The following TCF12 variants were observed in gnomAD, a reference collection of about 807,000 sequenced individuals.
The protein encoded by TCF12 is transcription factor 12.
In TCF12, 45 loss-of-function variants were observed where a neutral mutation model predicts 86.0. The ratio of observed to expected loss-of-function variants is 0.52; its 90% CI spans 0.41 to 0.67. The LOEUF (loss-of-function observed/expected upper bound fraction) is 0.67, where lower values mean the gene tolerates loss of function less well. Ranked by LOEUF, TCF12 falls within the 30% of genes least tolerant of loss-of-function variation. TCF12 has a pLI of 0.00. For missense variants in TCF12, 881 were observed against 859.9 expected (o/e 1.02, Z -0.31); for synonymous variants, 330 against 299.6 (o/e 1.10, Z -1.05).
chr15:57,062,824 G>A (rs1477834207), intron 3 of TCF12, among the ~76,000 whole-genome samples: 1 of 151,926 alleles, frequency 6.6e-6, no homozygotes, highest in Non-Finnish European at 1.5e-5. Context: ...AAAGAAAGAA[G>A]TCAACTATTT....
At chr15:56,942,518 A>G (rs1396509353) in intron 3 of TCF12, among the ~76,000 whole-genome samples, 1 of 152,168 alleles carries the variant, frequency 6.6e-6, no homozygotes, top group Non-Finnish European at 1.5e-5. Flanking sequence ...TTTTTCAGCT[A>G]TTGTCTTGGT....
rs72751024 is a variant in TCF12 at position 57,046,007 on chromosome 15, C to A, written c.149-17743C>A. Among the ~76,000 whole-genome samples the A allele has an allele frequency of 6.9e-3, 1,044 of 152,342 alleles. 8 individuals are homozygous for A. Among genetic ancestry groups the A allele is most frequent in the Non-Finnish European group, 0.011 (721 of 68,018 alleles). ...GATGACTGCCTTCCACGATTTTCTTCACTGAAAAATTGCCAAATGAGTTCT... is the reference window on the plus strand; with the variant it reads ...GATGACTGCCTTCCACGATTTTCTTAACTGAAAAATTGCCAAATGAGTTCT... On this transcript the variant is annotated intron_variant, in intron 3 of 20. Coordinates refer to ENST00000333725, the MANE Select transcript of TCF12 (RefSeq NM_207037.2).
chr15:57,051,525 T>TG (rs1432906075), intron 3 of TCF12, among the ~76,000 whole-genome samples: 1 of 152,154 alleles, frequency 6.6e-6, no homozygotes, highest in Non-Finnish European at 1.5e-5. Flanking sequence ...GTTCTTGCTA[T>TG]GTTGCCCAGG....
At chr15:57,052,930 A>G (rs2067740670) in intron 3 of TCF12, among the ~76,000 whole-genome samples, 1 of 152,136 alleles carries the variant, frequency 6.6e-6, no homozygotes, top group Non-Finnish European at 1.5e-5. Flanking sequence ...GGGAATACAG[A>G]TATCTCTTTT....
chr15:56,935,229 A>G (rs984034021), intron 3 of TCF12, among the ~76,000 whole-genome samples: 1 of 152,088 alleles, frequency 6.6e-6, no homozygotes, highest in Non-Finnish European at 1.5e-5. Flanking sequence ...CTCTTTTTCC[A>G]ATCTGTCTTA....
intron 8 of TCF12, chr15:57,219,383 A>G (rs2058472894): frequency 6.0e-6 from 8 of 1,323,848 alleles, no homozygotes; most frequent in South Asian, 2.4e-5. Flanking sequence ...GTTCAGTCCT[A>G]TTTTGCATAA....
At chr15:57,163,161 G>A (rs1007084834) in intron 5 of TCF12, among the ~76,000 whole-genome samples, 2 of 151,746 alleles carry the variant, frequency 1.3e-5, no homozygotes, top group African/African-American at 4.8e-5. Flanking sequence ...GTGACAGAGT[G>A]AGACTCAGTC....
rs531670580 is a variant in TCF12, at chr15:57,281,460, C to A, written c.1979-985C>A. Among the ~76,000 whole-genome samples the A allele has an allele frequency of 5.3e-5, 8 of 152,354 alleles. No homozygotes were observed. In the South Asian group the frequency reaches 1.5e-3, roughly 28 times the overall value. On this transcript the variant is annotated intron_variant, in intron 19 of 20. Transcript: ENST00000333725. The stretch of plus-strand genomic sequence containing the variant: ...TTTCCTATAGAAGAGGGGTCCCCAA[C>A]CCCTGGGCCACGGACCAGTACCAGT...
rs1372325187 is a variant in TCF12 at position 57,247,662 on chromosome 15, C to A, written c.1115-3688C>A. On this transcript the variant is annotated intron_variant, in intron 13 of 20. Transcript: ENST00000333725. ...TCTGTTTCTTCTTTAATACCACCAA[C>A]AAAAATTTTCCTCACTGTTAGATGG... is the stretch of plus-strand genomic sequence containing the variant. 11 of 766,648 alleles carry A rather than the reference C, an allele frequency of 1.4e-5. No homozygotes were observed. In the African/African-American group the frequency reaches 1.7e-4, roughly 12 times the overall value. The allele number at this position is 766,648 out of a possible 1,614,324, so 47.5% of individuals were successfully genotyped here. A position where few individuals can be genotyped will look rare whatever the true frequency, so the allele number is the denominator to read the frequency against.
intron 3 of TCF12, among the ~76,000 whole-genome samples, chr15:56,954,066 T>C (rs1343000782): frequency 1.3e-5 from 2 of 152,132 alleles, no homozygotes; most frequent in Non-Finnish European, 2.9e-5. Flanking sequence ...AATTTTCTCC[T>C]AAGTTCAGCT....
At chr15:57,284,243 C>T (rs2061832593) in intron 20 of TCF12, among the ~76,000 whole-genome samples, 1 of 151,976 alleles carries the variant, frequency 6.6e-6, no homozygotes. Flanking sequence ...TTGACTCTGT[C>T]GCCTGAGCTG....
intron 8 of TCF12, among the ~76,000 whole-genome samples, chr15:57,207,039 T>A (rs1390854222): frequency 6.6e-6 from 1 of 151,892 alleles, no homozygotes; most frequent in Non-Finnish European, 1.5e-5. Flanking sequence ...CCTGGGAGTT[T>A]CAGGCTGTAG....
intron 3 of TCF12, among the ~76,000 whole-genome samples, chr15:56,974,691 A>G (rs78773227): frequency 0.04 from 6,143 of 152,180 alleles, 373 homozygotes; most frequent in Admixed American, 0.17. Context: ...TAGGAGGAAA[A>G]TAAGAAACAA....
chr15:56,946,941 G>C (rs1180597730), intron 3 of TCF12, among the ~76,000 whole-genome samples: 1 of 151,792 alleles, frequency 6.6e-6, no homozygotes, highest in Non-Finnish European at 1.5e-5. Context: ...AGGATTACAG[G>C]CGTATGCCAC....
At chr15:57,060,044 A>G (rs1257063437) in intron 3 of TCF12, among the ~76,000 whole-genome samples, 1 of 152,158 alleles carries the variant, frequency 6.6e-6, no homozygotes, top group Non-Finnish European at 1.5e-5. Flanking sequence ...CAGATGTTGG[A>G]CTTGGGCAAG....
chr15:57,044,928 G>A (rs2067131565), intron 3 of TCF12, among the ~76,000 whole-genome samples: 1 of 152,148 alleles, frequency 6.6e-6, no homozygotes, highest in Non-Finnish European at 1.5e-5. Context: ...CATACAAAAA[G>A]CAGTGAAGAT....
intron 13 of TCF12, among the ~76,000 whole-genome samples, chr15:57,245,753 A>G (rs1436372913): frequency 1.3e-5 from 2 of 152,126 alleles, no homozygotes; most frequent in African/African-American, 4.8e-5. Context: ...TTTCTCTTTA[A>G]TTCAGGTTGT....
At chr15:57,220,055 C>T (rs572629124) in intron 8 of TCF12, among the ~76,000 whole-genome samples, 1 of 152,214 alleles carries the variant, frequency 6.6e-6, no homozygotes, top group South Asian at 2.1e-4. Context: ...GAAGTAGTGT[C>T]AGTAAAGTCC....
intron 4 of TCF12, among the ~76,000 whole-genome samples, chr15:57,089,493 A>C (rs2048852598): frequency 6.6e-6 from 1 of 152,182 alleles, no homozygotes; most frequent in Admixed American, 6.5e-5. Flanking sequence ...AATCTAATCT[A>C]TAAAGTTAAT....
Sources: allele counts gnomAD v4.1 joint callset (sites outside exome capture counted in the v4.1 genomes callset), GRCh38; gene constraint gnomAD v4.1.1; transcripts MANE v1.5; gene names NCBI Gene and HGNC (gene_info 2026-07-23, HGNC 2026-07-21).